Variants in NEGR1 observed in about 807,000 individuals in gnomAD.
NEGR1 encodes neuronal growth regulator 1.
Under a neutral mutation model 40.9 loss-of-function variants are expected in NEGR1, and 10 were observed. That is an observed-to-expected ratio of 0.24 (90% CI 0.15 to 0.42). NEGR1 has a LOEUF of 0.42. Ranked by LOEUF, NEGR1 falls within the 10% of genes least tolerant of loss-of-function variation. The pLI is 1.00. For missense variants in NEGR1, 352 were observed against 438.9 expected, an observed-to-expected ratio of 0.80 and a Z score of 1.77; for synonymous variants, 185 against 166.8, an observed-to-expected ratio of 1.11 and a Z score of -0.84.
intron 1 of NEGR1, among the ~76,000 whole-genome samples, chr1:72,174,174 T>C (rs1652076376): frequency 6.6e-6 from 1 of 152,164 alleles, no homozygotes; most frequent in African/African-American, 2.4e-5. Flanking sequence ...TTTCTTAACG[T>C]AGACTGTTTT....
intron 1 of NEGR1, among the ~76,000 whole-genome samples, chr1:71,978,614 A>G (rs573925665): frequency 1.3e-5 from 2 of 152,316 alleles, no homozygotes; most frequent in South Asian, 4.1e-4. Context: ...AAAGTTCAAT[A>G]TCACTGATCG....
In NEGR1 at chr1:72,020,479, G is replaced by C. The variant is rs186123948; in HGVS notation, c.177-85168C>G. Among the ~76,000 whole-genome samples, 496 of 152,154 alleles carry C rather than the reference G, an allele frequency of 3.3e-3. 4 individuals carry two copies. The highest frequency in any genetic ancestry group is 4.0e-3 in the Non-Finnish European group (272 of 67,992). On this transcript the variant is annotated intron_variant, in intron 1 of 6. Transcript: ENST00000357731. Reference sequence around the variant, plus strand: ...TGCTTGCTAGGTTGGGTCTTGTGAAGAGACCAAACAAAAATTGTCAAGACT... The same window carrying C: ...TGCTTGCTAGGTTGGGTCTTGTGAACAGACCAAACAAAAATTGTCAAGACT...
At chr1:71,952,842 C>T (rs1474793717) in intron 1 of NEGR1, among the ~76,000 whole-genome samples, 2 of 151,242 alleles carry the variant, frequency 1.3e-5, no homozygotes, top group Admixed American at 1.3e-4. Context: ...AAGAATTATG[C>T]TAAATCTACT....
chr1:72,278,680 A>G (rs1372671980), intron 1 of NEGR1, among the ~76,000 whole-genome samples: 2 of 152,018 alleles, frequency 1.3e-5, no homozygotes, highest in Non-Finnish European at 2.9e-5. Context: ...CCTGTTCTCT[A>G]CTAGATCAGC....
intron 1 of NEGR1, among the ~76,000 whole-genome samples, chr1:72,178,379 G>A (rs989196785): frequency 1.6e-4 from 25 of 151,542 alleles, no homozygotes; most frequent in Non-Finnish European, 2.7e-4. Flanking sequence ...ATTGGCTTGC[G>A]GAATTCCAAT....
At chr1:72,052,149 A>G (rs1647067701) in intron 1 of NEGR1, among the ~76,000 whole-genome samples, 1 of 151,358 alleles carries the variant, frequency 6.6e-6, no homozygotes, top group Non-Finnish European at 1.5e-5. Flanking sequence ...AATTGGGGAG[A>G]GAAATTAGCA....
intron 2 of NEGR1, among the ~76,000 whole-genome samples, chr1:71,896,491 G>A (rs12081513): frequency 0.022 from 3,335 of 152,136 alleles, 68 homozygotes; most frequent in Middle Eastern, 0.068. Context: ...CTCCCATTCT[G>A]CGTGTTATTT....
intron 2 of NEGR1, among the ~76,000 whole-genome samples, chr1:71,895,860 T>G (rs2101856249): frequency 6.6e-6 from 1 of 152,288 alleles, no homozygotes; most frequent in African/African-American, 2.4e-5. Context: ...TTTTGAGAAT[T>G]TGGCCACATT....
chr1:71,428,766 G>A lies in NEGR1; in HGVS notation c.941-21196C>T, dbSNP rs183137990. Among the ~76,000 whole-genome samples the A allele has an allele frequency of 8.3e-3, 1,252 of 151,570 alleles. 10 individuals are homozygous for A. The highest frequency in any genetic ancestry group is 0.028 in the African/African-American group (1,168 of 41,408). ...ATGGGGAAAACTGAGATACATAAAT[G>A]TTGGAGCCTAGATTTAACCCAGTCT... is the stretch of plus-strand genomic sequence containing the variant. On this transcript the variant is annotated intron_variant, in intron 6 of 6. Transcript: ENST00000357731.
At position 72,149,833 on chromosome 1, in the gene NEGR1, AT is replaced by A. The variant is rs1651049050; in HGVS notation, c.176+132485del. On this transcript the variant is annotated intron_variant, in intron 1 of 6. Transcript: ENST00000357731. ...GAGGCGGAGGTTGTGGTGAGCCGAG[AT>A]GTTGCCATTGCACTCCAGCCTGGGC... 2.2e-5 allele frequency among the ~76,000 whole-genome samples: 3 copies of A among 136,810 alleles called. No homozygotes were observed. The Admixed American group carries it at 2.3e-4, about 10-fold the overall frequency. 89.8% of individuals were successfully genotyped at this position (136,810 alleles called of 152,430 possible).
intron 1 of NEGR1, among the ~76,000 whole-genome samples, chr1:72,022,227 G>A (rs898650669): frequency 7.0e-6 from 1 of 142,852 alleles, no homozygotes; most frequent in Non-Finnish European, 1.5e-5. Context: ...AACCAGACCA[G>A]GAAGCTGACA....
At chr1:71,914,418 G>A (rs1372914064) in intron 2 of NEGR1, among the ~76,000 whole-genome samples, 1 of 152,172 alleles carries the variant, frequency 6.6e-6, no homozygotes, top group East Asian at 1.9e-4. Flanking sequence ...GTTGTGCTCT[G>A]AATGGATAAG....
intron 1 of NEGR1, among the ~76,000 whole-genome samples, chr1:71,961,896 C>G (rs191998177): frequency 1.3e-5 from 2 of 152,136 alleles, no homozygotes; most frequent in East Asian, 3.9e-4. Context: ...CACATAACTT[C>G]TCTAAGCTCC....
chr1:71,397,968 A>C lies in NEGR1; in HGVS notation c.*9478T>G, dbSNP rs1299100303. 2.0e-5 allele frequency: 3 copies of C among 152,262 alleles called. No individual in the cohort carries two copies. Among genetic ancestry groups the C allele is most frequent in the Non-Finnish European group, 4.4e-5 (3 of 68,088 alleles). 9.4% of individuals were successfully genotyped at this position (152,262 alleles called of 1,614,324 possible). On this transcript the variant is annotated 3_prime_UTR_variant, in exon 7 of 7. Transcript: ENST00000357731. Reference sequence around the variant, plus strand: ...GATGATTTAAATGAAGCCAAGGTACAGCTTGGGCTGTTGCTTCAGACAGTG... The same window carrying C: ...GATGATTTAAATGAAGCCAAGGTACCGCTTGGGCTGTTGCTTCAGACAGTG...
At chr1:71,589,036 T>A (rs1489966271) in intron 6 of NEGR1, among the ~76,000 whole-genome samples, 1 of 152,174 alleles carries the variant, frequency 6.6e-6, no homozygotes, top group Non-Finnish European at 1.5e-5. Flanking sequence ...TTTCCTCATC[T>A]ATTTATTTAA....
At chr1:72,240,917 C>T (rs1249378485) in intron 1 of NEGR1, among the ~76,000 whole-genome samples, 1 of 151,534 alleles carries the variant, frequency 6.6e-6, no homozygotes, top group African/African-American at 2.4e-5. Flanking sequence ...CTTATTGTTT[C>T]CTAACTTTAA....
At chr1:72,281,574 T>C (rs537536006) in intron 1 of NEGR1, among the ~76,000 whole-genome samples, 7 of 149,176 alleles carry the variant, frequency 4.7e-5, no homozygotes, top group Non-Finnish European at 7.4e-5. Flanking sequence ...GGGCACAGGA[T>C]AGGGACATTA....
At chr1:71,976,415 C>T (rs925359354) in intron 1 of NEGR1, among the ~76,000 whole-genome samples, 11 of 152,114 alleles carry the variant, frequency 7.2e-5, no homozygotes, top group Non-Finnish European at 1.2e-4. Context: ...TTTTATTTTA[C>T]GATTTACTGG....
At chr1:72,163,798 A>G (rs957295578) in intron 1 of NEGR1, among the ~76,000 whole-genome samples, 1 of 151,948 alleles carries the variant, frequency 6.6e-6, no homozygotes, top group African/African-American at 2.4e-5. Flanking sequence ...TTAACATTAG[A>G]AAGTAGAAAT....
Sources: gnomAD v4.1 joint callset for allele counts (sites outside exome capture counted in the v4.1 genomes callset) on GRCh38, gnomAD v4.1.1 for gene constraint, MANE v1.5 for transcripts, NCBI Gene and HGNC (gene_info 2026-07-23, HGNC 2026-07-21) for gene names.